Variants in RPH3AL observed in about 807,000 individuals in gnomAD.
RPH3AL encodes the protein rab effector Noc2.
Under a neutral mutation model 43.1 loss-of-function variants are expected in RPH3AL, and 38 were observed. The ratio of observed to expected loss-of-function variants is 0.88; its 90% CI spans 0.68 to 1.15. The LOEUF (loss-of-function observed/expected upper bound fraction) is 1.15. Ranked by LOEUF, RPH3AL falls within the 50% of genes most tolerant of loss-of-function variation. The probability of loss-of-function intolerance (pLI) is 0.00; values close to 1 mark genes in which losing one functional copy is unlikely to be tolerated. For synonymous variants in RPH3AL, 189 were observed against 176.3 expected, an observed-to-expected ratio of 1.07 and a Z score of -0.57; for missense variants, 462 against 423.2, an observed-to-expected ratio of 1.09 and a Z score of -0.81.
intron 5 of RPH3AL, among the ~76,000 whole-genome samples, chr17:318,713 C>G (rs2044372541): frequency 6.6e-6 from 1 of 152,150 alleles, no homozygotes; most frequent in South Asian, 2.1e-4. Context: ...TCCAGAAAAA[C>G]TAAAAGCTAT....
intron 6 of RPH3AL, among the ~76,000 whole-genome samples, chr17:258,177 G>T (rs368316999): frequency 2.6e-5 from 4 of 152,062 alleles, no homozygotes; most frequent in East Asian, 1.9e-4. Context: ...CCCCCTTTTC[G>T]CTGGTCCTTC....
chr17:285,323 G>A (rs2042881348), intron 5 of RPH3AL, among the ~76,000 whole-genome samples: 1 of 152,182 alleles, frequency 6.6e-6, no homozygotes, highest in Non-Finnish European at 1.5e-5. Context: ...ACCTGGGTGG[G>A]CTCCCGGGCA....
At chr17:327,695 G>T in intron 2 of RPH3AL, 116 bp from the exon 3 acceptor site, 1 of 631,956 alleles carries the variant, frequency 1.6e-6, no homozygotes, top group Non-Finnish European at 2.8e-6. Flanking sequence ...GATCCCCACT[G>T]ATGCCTGGAA....
At chr17:272,950 C>CG (rs1567604213) in intron 6 of RPH3AL, among the ~76,000 whole-genome samples, 4 of 50,044 alleles carry the variant, frequency 8.0e-5, no homozygotes, top group Admixed American at 2.1e-4. Flanking sequence ...GAGACCCCAG[C>CG]AAGGGCTACG....
intron 5 of RPH3AL, among the ~76,000 whole-genome samples, chr17:316,307 T>G (rs1275962911): frequency 2.1e-5 from 3 of 143,542 alleles, no homozygotes; most frequent in Middle Eastern, 4.0e-3. Context: ...TCCACCTCCA[T>G]TGACCTGTAG....
chr17:328,785 A>G lies in RPH3AL; in HGVS notation c.-36-1206T>C, dbSNP rs2044678669. 1.3e-5 allele frequency among the ~76,000 whole-genome samples: 2 copies of G among 152,220 alleles called. No homozygotes were observed. The highest frequency in any genetic ancestry group is 2.9e-5 in the Non-Finnish European group (2 of 68,038). Reference sequence around the variant, plus strand: ...TATTTACAATGGAGTATGATTTACAATGGATTATTATTTGGCCGTAAAAAG... The same window carrying G: ...TATTTACAATGGAGTATGATTTACAGTGGATTATTATTTGGCCGTAAAAAG... On this transcript the variant is annotated intron_variant, in intron 2 of 9. Transcript: ENST00000331302. The surrounding 1 kb of genome is among the most constrained non-coding windows in gnomAD (Gnocchi z 4.2).
At chr17:221,398 C>A (rs376182300) in intron 7 of RPH3AL, among the ~76,000 whole-genome samples, 4 of 122,302 alleles carry the variant, frequency 3.3e-5, no homozygotes, top group Middle Eastern at 6.2e-3. Flanking sequence ...GACCCAAGAA[C>A]AACAGCTCTG....
intron 6 of RPH3AL, among the ~76,000 whole-genome samples, chr17:260,333 C>T (rs1481041602): frequency 6.6e-6 from 1 of 152,234 alleles, no homozygotes; most frequent in Non-Finnish European, 1.5e-5. Flanking sequence ...CACACCTGGG[C>T]TGGAGCTCAG....
At chr17:272,752 ATTAT>A (rs970746627) in intron 6 of RPH3AL, among the ~76,000 whole-genome samples, 12 of 130,036 alleles carry the variant, frequency 9.2e-5, no homozygotes, top group African/African-American at 2.7e-4. Flanking sequence ...AACTTAAAGT[ATTAT>A]TTAAGTCACA....
intron 6 of RPH3AL, 61 bp from the exon 7 acceptor site, chr17:247,346 C>T (rs2041792976): frequency 6.8e-7 from 1 of 1,470,510 alleles, no homozygotes; most frequent in Non-Finnish European, 9.0e-7. Flanking sequence ...CCTCCTGCTC[C>T]TTGCCCAGAT....
rs1189046765 is a variant in RPH3AL at position 321,332 on chromosome 17, G to A, written c.161C>T (p.Ala54Val). The change falls in exon 4 of 10, where the codon GCC (alanine) becomes GTC (valine). Residue 54 changes from alanine (A) to valine (V), a missense_variant. Physicochemically the swap from Ala to Val is moderately conservative, Grantham distance 64. Coordinates refer to ENST00000331302, the MANE Select transcript of RPH3AL (RefSeq NM_006987.4). ...KQHLSPAEVE[A>V]ILQVIQRAER... is the part of the protein sequence containing the mutation. ...TGCCCTCTGGATGACCTGCAGGATG[G>A]CCTCCACCTCCGCCGGGCTGAGGTG... 6.2e-7 allele frequency: 1 copy of A among 1,611,474 alleles called. No homozygotes were observed. The highest frequency in any genetic ancestry group is 8.5e-7 in the Non-Finnish European group (1 of 1,179,924).
At chr17:261,725 C>G (rs549637805) in intron 6 of RPH3AL, 1 of 152,160 alleles carries the variant, frequency 6.6e-6, no homozygotes, top group Non-Finnish European at 1.5e-5. Context: ...CTCATAAGGA[C>G]GCTGAGTTTC....
intron 6 of RPH3AL, chr17:261,756 A>G (rs942999019): frequency 6.6e-6 from 1 of 152,184 alleles, no homozygotes; most frequent in Non-Finnish European, 1.5e-5. Context: ...ACTCTTTTTA[A>G]GAACTTAGGA....
intron 7 of RPH3AL, among the ~76,000 whole-genome samples, chr17:228,064 C>T (rs986442152): frequency 1.3e-5 from 2 of 152,038 alleles, no homozygotes; most frequent in African/African-American, 4.8e-5. Flanking sequence ...TGAAGTCCCA[C>T]TGAGATGTCT....
At chr17:258,484 G>T (rs1489721712) in intron 6 of RPH3AL, among the ~76,000 whole-genome samples, 1 of 152,180 alleles carries the variant, frequency 6.6e-6, no homozygotes, top group African/African-American at 2.4e-5. Flanking sequence ...GGGCTTGATG[G>T]GGTGTGCTGG....
At chr17:338,225 G>A (rs893564892) in intron 1 of RPH3AL, among the ~76,000 whole-genome samples, 5 of 152,336 alleles carry the variant, frequency 3.3e-5, no homozygotes, top group African/African-American at 1.2e-4. Context: ...ACTTTGGGAA[G>A]CCAAGGCAGG....
At chr17:304,237 A>G (rs2043405576) in intron 5 of RPH3AL, among the ~76,000 whole-genome samples, 1 of 151,728 alleles carries the variant, frequency 6.6e-6, no homozygotes, top group African/African-American at 2.4e-5. Context: ...CCGTTTTAAG[A>G]GTTTATCACA....
chr17:236,795 A>T (rs1214696618), intron 7 of RPH3AL, among the ~76,000 whole-genome samples: 1 of 152,280 alleles, frequency 6.6e-6, no homozygotes, highest in African/African-American at 2.4e-5. Flanking sequence ...ACAGTCGGAA[A>T]AGAAAAAGCC....
At chr17:229,938 C>T (rs2041193153) in intron 7 of RPH3AL, among the ~76,000 whole-genome samples, 1 of 152,168 alleles carries the variant, frequency 6.6e-6, no homozygotes, top group Admixed American at 6.5e-5. Flanking sequence ...CCTCAGGGAC[C>T]CTGGAGCCAG....
Sources: allele counts gnomAD v4.1 joint callset (sites outside exome capture counted in the v4.1 genomes callset), GRCh38; gene constraint gnomAD v4.1.1; non-coding constraint Gnocchi (gnomAD v3.1); transcripts MANE v1.5; gene names NCBI Gene and HGNC (gene_info 2026-07-23, HGNC 2026-07-21).